The following ANKS1B variants were observed in gnomAD, a reference collection of about 807,000 sequenced individuals.
ANKS1B encodes the protein ankyrin repeat and sterile alpha motif domain-containing protein 1B.
Under a neutral mutation model 148.3 loss-of-function variants are expected in ANKS1B, and 36 were observed. The ratio of observed to expected loss-of-function variants is 0.24; its 90% CI spans 0.19 to 0.32. The LOEUF (loss-of-function observed/expected upper bound fraction) is 0.32. Ranked by LOEUF, ANKS1B falls within the 10% of genes least tolerant of loss-of-function variation. The pLI is 1.00. For missense variants in ANKS1B, 1,157 were observed against 1,542.6 expected (o/e 0.75, Z 4.19); for synonymous variants, 542 against 560.8 (o/e 0.97, Z 0.47).
intron 10 of ANKS1B, among the ~76,000 whole-genome samples, chr12:99,451,174 A>T (rs1406995151): frequency 6.6e-6 from 1 of 152,218 alleles, no homozygotes; most frequent in Non-Finnish European, 1.5e-5. Context: ...TTCTTGTCAG[A>T]TTCCCTTACT....
chr12:99,839,190 A>G (rs1308708090), intron 1 of ANKS1B, among the ~76,000 whole-genome samples: 1 of 152,182 alleles, frequency 6.6e-6, no homozygotes. Context: ...AGCCTGGGCA[A>G]TACAGCAATA....
intron 15 of ANKS1B, among the ~76,000 whole-genome samples, chr12:99,145,838 T>G (rs1183091415): frequency 1.3e-5 from 2 of 152,134 alleles, no homozygotes; most frequent in Non-Finnish European, 2.9e-5. Context: ...ATCTAGGCTC[T>G]GCTGGCAATT....
In ANKS1B at chr12:98,975,294, C is replaced by T. The variant is rs185332212; in HGVS notation, c.2778+77863G>A. Among the ~76,000 whole-genome samples the T allele has an allele frequency of 1.3e-3, 185 of 143,532 alleles. 3 individuals are homozygous for T. Among genetic ancestry groups the T allele is most frequent in the African/African-American group, 4.7e-3 (181 of 38,876 alleles). 94.2% of individuals were successfully genotyped at this position (143,532 alleles called of 152,430 possible). A position where few individuals can be genotyped will look rare whatever the true frequency, so the allele number is the denominator to read the frequency against. On this transcript the variant is annotated intron_variant, in intron 17 of 26. Coordinates refer to ENST00000683438, the MANE Select transcript of ANKS1B (RefSeq NM_001352186.2). ...CTCCCTCCCTTCCTTTTTTCTCTAC[C>T]TCCCTCCCTCCTTCCTTCTTCCTTT...
intron 14 of ANKS1B, among the ~76,000 whole-genome samples, chr12:99,197,233 A>G (rs2081495424): frequency 6.6e-6 from 1 of 152,186 alleles, no homozygotes; most frequent in Non-Finnish European, 1.5e-5. Context: ...AGAAAAGAGT[A>G]AGGAATATTG....
intron 1 of ANKS1B, among the ~76,000 whole-genome samples, chr12:99,873,283 T>C (rs563372636): frequency 1.3e-5 from 2 of 152,328 alleles, no homozygotes; most frequent in African/African-American, 2.4e-5. Flanking sequence ...TCAGTGATCA[T>C]GTTAGGAAGT....
intron 17 of ANKS1B, among the ~76,000 whole-genome samples, chr12:99,030,609 C>T (rs889637767): frequency 2.0e-5 from 3 of 152,198 alleles, no homozygotes; most frequent in Admixed American, 6.5e-5. Flanking sequence ...CTCCTCTAGG[C>T]TCACTTTAAG....
intron 12 of ANKS1B, among the ~76,000 whole-genome samples, chr12:99,305,632 T>C (rs1246958756): frequency 2.6e-5 from 4 of 152,110 alleles, no homozygotes; most frequent in Middle Eastern, 3.2e-3. Context: ...TCTTGTTTCA[T>C]CAAAATTCTT....
intron 14 of ANKS1B, among the ~76,000 whole-genome samples, chr12:99,163,901 A>G (rs950822664): frequency 2.0e-5 from 3 of 152,124 alleles, no homozygotes; most frequent in South Asian, 2.1e-4. Flanking sequence ...ATTCCCATTA[A>G]TAGTATACAA....
chr12:99,092,432 C>T (rs1257335043), intron 15 of ANKS1B, among the ~76,000 whole-genome samples: 1 of 144,044 alleles, frequency 6.9e-6, no homozygotes, highest in African/African-American at 2.6e-5. Context: ...CAGTTAGCAG[C>T]TGTCCTGTGT....
intron 8 of ANKS1B, among the ~76,000 whole-genome samples, chr12:99,679,815 G>C (rs974531849): frequency 3.3e-5 from 5 of 152,164 alleles, no homozygotes; most frequent in African/African-American, 1.2e-4. Context: ...CCTAAATATG[G>C]GAAATGGCAG....
chr12:99,040,292 G>C (rs1030269747), intron 17 of ANKS1B, among the ~76,000 whole-genome samples: 1 of 152,050 alleles, frequency 6.6e-6, no homozygotes, highest in Non-Finnish European at 1.5e-5. Context: ...GTGTGTGTGT[G>C]TGTGTATAGT....
intron 9 of ANKS1B, among the ~76,000 whole-genome samples, chr12:99,651,642 A>G (rs1389052507): frequency 6.6e-6 from 1 of 152,082 alleles, no homozygotes; most frequent in Non-Finnish European, 1.5e-5. Context: ...AAATATTTCA[A>G]TCTGCTTCTG....
intron 14 of ANKS1B, among the ~76,000 whole-genome samples, chr12:99,201,747 T>C (rs1265085485): frequency 6.6e-6 from 1 of 152,206 alleles, no homozygotes; most frequent in Non-Finnish European, 1.5e-5. Context: ...ACAAGTCAAA[T>C]CATGTGAAAT....
intron 11 of ANKS1B, among the ~76,000 whole-genome samples, chr12:99,438,472 T>C (rs552929002): frequency 6.6e-6 from 1 of 151,984 alleles, no homozygotes; most frequent in South Asian, 2.1e-4. Flanking sequence ...TATCATGTCA[T>C]CTTCTCCCTC....
In ANKS1B at chr12:98,751,659, A is replaced by G; in HGVS notation, c.3580-137T>C. The G allele has an allele frequency of 1.2e-6, 1 of 831,030 alleles. No homozygotes were observed. Among genetic ancestry groups the G allele is most frequent in the Non-Finnish European group, 2.0e-6 (1 of 512,480 alleles). The allele number at this position is 831,030 out of a possible 1,614,324, so 51.5% of individuals were successfully genotyped here. A position where few individuals can be genotyped will look rare whatever the true frequency, so the allele number is the denominator to read the frequency against. ...CCAGAGGCAGCAGCGATTCGGTGGA[A>G]ATCTACAAAGAACAGGACACTCCGG... On this transcript the variant is annotated intron_variant, in intron 25 of 26. Transcript: ENST00000683438. The surrounding 1 kb of genome is among the most constrained non-coding windows in gnomAD (Gnocchi z 4.3).
intron 4 of ANKS1B, among the ~76,000 whole-genome samples, chr12:99,800,234 C>T (rs573814923): frequency 1.1e-4 from 17 of 151,986 alleles, no homozygotes; most frequent in African/African-American, 3.9e-4. Flanking sequence ...TCTCCATTCA[C>T]GCACAGAAGA....
chr12:99,940,678 C>T (rs11110142), intron 1 of ANKS1B, among the ~76,000 whole-genome samples: 12,149 of 152,090 alleles, frequency 0.08, 576 homozygotes, highest in Middle Eastern at 0.14. Context: ...TACTAAGATA[C>T]GCAAAGTTGA....
intron 1 of ANKS1B, among the ~76,000 whole-genome samples, chr12:99,936,701 C>T (rs150683643): frequency 2.2e-3 from 332 of 152,258 alleles, no homozygotes; most frequent in African/African-American, 7.6e-3. Flanking sequence ...TAATATTTAA[C>T]TTACTAAGGT....
At chr12:99,718,151 C>T (rs1224989428) in intron 8 of ANKS1B, among the ~76,000 whole-genome samples, 17 of 151,960 alleles carry the variant, frequency 1.1e-4, no homozygotes, top group African/African-American at 2.4e-5. Flanking sequence ...CCGCCCGCCT[C>T]TGCTTCCCAA....
Sources: allele counts gnomAD v4.1 joint callset (sites outside exome capture counted in the v4.1 genomes callset), GRCh38; gene constraint gnomAD v4.1.1; non-coding constraint Gnocchi (gnomAD v3.1); transcripts MANE v1.5; gene names NCBI Gene and HGNC (gene_info 2026-07-23, HGNC 2026-07-21).